FBN1: variants seen among roughly 807,000 people sequenced by gnomAD.
FBN1 encodes fibrillin-1.
A neutral mutation model predicts 365.1 loss-of-function variants in FBN1; 29 were observed. The observed-to-expected ratio is 0.08, with a 90% confidence interval of 0.06 to 0.11. The LOEUF (loss-of-function observed/expected upper bound fraction) is 0.11, where lower values mean the gene tolerates loss of function less well. Among genes scored for constraint, FBN1 ranks in the 10% least tolerant of loss-of-function variants. The pLI, the probability that FBN1 is intolerant of heterozygous loss-of-function variation, is 1.00. For synonymous variants in FBN1, 1,210 were observed against 1,270.5 expected (o/e 0.95, Z 1.01); for missense variants, 2,476 against 3,703.2 (o/e 0.67, Z 8.60).
intron 6 of FBN1, among the ~76,000 whole-genome samples, chr15:48,556,802 T>C (rs2044184666): frequency 6.6e-6 from 1 of 152,194 alleles, no homozygotes; most frequent in Non-Finnish European, 1.5e-5. Context: ...TTTAAGGTTG[T>C]TAAGATTTGG....
At chr15:48,535,617 G>A (rs546521402) in intron 7 of FBN1, among the ~76,000 whole-genome samples, 1 of 152,260 alleles carries the variant, frequency 6.6e-6, no homozygotes, top group South Asian at 2.1e-4. Flanking sequence ...ACTCTTCATT[G>A]AGTAAAGAAA....
Position 48,437,363 on chromosome 15 carries a change from T to C in FBN1, c.6338A>G (p.Tyr2113Cys). The C allele has an allele frequency of 6.2e-7, 1 of 1,613,522 alleles. No homozygotes were observed. Among genetic ancestry groups the C allele is most frequent in the Non-Finnish European group, 8.5e-7 (1 of 1,179,644 alleles). Residue 2113 changes from tyrosine (Y) to cysteine (C), a missense_variant, in exon 52 of 66, where the codon TAT (tyrosine) becomes TGT (cysteine). Coordinates refer to ENST00000316623, the MANE Select transcript of FBN1 (RefSeq NM_000138.5). ...PDEAFRQICPYGSGIIVGPDD... is the reference protein window; with the variant it reads ...PDEAFRQICPCGSGIIVGPDD... ...AGGTCCCACGATGATCCCACTTCCATAAGGACATATCTGGCGGAAGGCCTC... is the reference window on the plus strand; with the variant it reads ...AGGTCCCACGATGATCCCACTTCCACAAGGACATATCTGGCGGAAGGCCTC...
At chr15:48,543,962 C>A (rs2044077424) in intron 6 of FBN1, among the ~76,000 whole-genome samples, 1 of 151,648 alleles carries the variant, frequency 6.6e-6, no homozygotes, top group East Asian at 1.9e-4. Context: ...ATATATTTTA[C>A]ATATTCTATA....
chr15:48,628,328 A>T (rs1247358960), intron 2 of FBN1, among the ~76,000 whole-genome samples: 2 of 151,858 alleles, frequency 1.3e-5, no homozygotes, highest in African/African-American at 4.8e-5. Flanking sequence ...CATTCCTGAG[A>T]GAGCAATGCC....
intron 48 of FBN1, 41 bp from the exon 49 acceptor site, chr15:48,444,701 G>C: frequency 6.2e-7 from 1 of 1,609,044 alleles, no homozygotes; most frequent in Non-Finnish European, 8.5e-7. Flanking sequence ...GTTCCCACTG[G>C]CATGACTTCC....
In FBN1 at chr15:48,571,164, C is replaced by T. The variant is rs2044303235; in HGVS notation, c.538+25119G>A. The stretch of plus-strand genomic sequence containing the variant: ...GGCTGGTCCAACATTTTAGCAACAC[C>T]CATCAGCCTGATTTAAATAACACTC... On this transcript the variant is annotated intron_variant, in intron 6 of 65. Coordinates refer to ENST00000316623, the MANE Select transcript of FBN1 (RefSeq NM_000138.5). 1.3e-5 allele frequency among the ~76,000 whole-genome samples: 2 copies of T among 152,148 alleles called. 1 individual carries two copies. Among genetic ancestry groups the T allele is most frequent in the Admixed American group, 1.3e-4 (2 of 15,268 alleles).
chr15:48,481,625 T>C (rs375064492), intron 32 of FBN1, 30 bp downstream of exon 32: 2 of 1,611,558 alleles, frequency 1.2e-6, no homozygotes, highest in African/African-American at 2.7e-5. Context: ...AACTACTTAA[T>C]ATTTTATTGT....
chr15:48,490,769 T>C (rs1226730974), intron 24 of FBN1, among the ~76,000 whole-genome samples: 1 of 152,216 alleles, frequency 6.6e-6, no homozygotes, highest in East Asian at 1.9e-4. Context: ...TGGATTTTGG[T>C]CCTCTTCTGT....
At chr15:48,595,674 C>T (rs1426328565) in intron 6 of FBN1, among the ~76,000 whole-genome samples, 1 of 152,188 alleles carries the variant, frequency 6.6e-6, no homozygotes, top group African/African-American at 2.4e-5. Flanking sequence ...GCCTTGGGGA[C>T]ATCCCTGGAC....
intron 9 of FBN1, among the ~76,000 whole-genome samples, chr15:48,522,347 C>T (rs1023436755): frequency 3.3e-5 from 5 of 151,912 alleles, no homozygotes; most frequent in South Asian, 2.1e-4. Context: ...ATATAATACA[C>T]TTTATTGTGT....
At chr15:48,437,189 A>G in intron 52 of FBN1, 112 bp from the exon 53 acceptor site, 1 of 1,104,592 alleles carries the variant, frequency 9.1e-7, no homozygotes, top group African/African-American at 1.5e-5. Context: ...CAATAATATA[A>G]TTGCTATCTA....
chr15:48,623,033 C>T (rs1296457026), intron 2 of FBN1, among the ~76,000 whole-genome samples: 1 of 152,142 alleles, frequency 6.6e-6, no homozygotes, highest in Non-Finnish European at 1.5e-5. Context: ...TAGATCTCAT[C>T]CCTGAAGCCC....
chr15:48,554,561 T>C (rs2044165580), intron 6 of FBN1, among the ~76,000 whole-genome samples: 1 of 152,168 alleles, frequency 6.6e-6, no homozygotes. Flanking sequence ...TACCTCCCTG[T>C]GGAGAAGCAG....
chr15:48,523,189 G>A (rs2043875504), intron 9 of FBN1, among the ~76,000 whole-genome samples: 1 of 152,202 alleles, frequency 6.6e-6, no homozygotes, highest in African/African-American at 2.4e-5. Flanking sequence ...AAATGAATTC[G>A]GTGGTCAAAA....
At chr15:48,531,089 A>G (rs1166424169) in intron 8 of FBN1, among the ~76,000 whole-genome samples, 1 of 143,128 alleles carries the variant, frequency 7.0e-6, no homozygotes, top group African/African-American at 2.8e-5. Flanking sequence ...ATCAACAAAG[A>G]AGGTGGGCAT....
chr15:48,504,515 T>C (rs1224462816), intron 16 of FBN1, among the ~76,000 whole-genome samples: 1 of 152,238 alleles, frequency 6.6e-6, no homozygotes, highest in African/African-American at 2.4e-5. Flanking sequence ...CCTTTTCCAA[T>C]TCAAATGGCT....
chr15:48,619,925 T>G (rs1889735079), intron 2 of FBN1, among the ~76,000 whole-genome samples: 1 of 151,694 alleles, frequency 6.6e-6, no homozygotes, highest in Non-Finnish European at 1.5e-5. Context: ...GTCTGGATAC[T>G]CTACATGCTT....
intron 6 of FBN1, among the ~76,000 whole-genome samples, chr15:48,561,267 A>G (rs532769492): frequency 3.0e-4 from 46 of 152,316 alleles, no homozygotes; most frequent in African/African-American, 1.1e-3. Context: ...CTTCTGCTAC[A>G]GGGACACCTA....
At chr15:48,465,918 C>G in intron 38 of FBN1, 60 bp from the exon 39 acceptor site, 1 of 1,167,402 alleles carries the variant, frequency 8.6e-7, no homozygotes, top group Non-Finnish European at 1.3e-6. Flanking sequence ...GAAATAGTAT[C>G]CTCAAGAGAA....
Sources: allele counts gnomAD v4.1 joint callset (sites outside exome capture counted in the v4.1 genomes callset), GRCh38; gene constraint gnomAD v4.1.1; transcripts MANE v1.5; gene names NCBI Gene and HGNC (gene_info 2026-07-23, HGNC 2026-07-21).